The following DCC variants were observed in gnomAD, a reference collection of about 807,000 sequenced individuals.
The protein encoded by DCC is netrin receptor DCC.
Under a neutral mutation model 172.5 loss-of-function variants are expected in DCC, and 58 were observed. The observed-to-expected ratio is 0.34, with a 90% CI of 0.27 to 0.42. The LOEUF (loss-of-function observed/expected upper bound fraction) is 0.42, where lower values mean the gene tolerates loss of function less well. DCC is among the 10% of genes least tolerant of loss of function. The probability of loss-of-function intolerance (pLI) is 1.00; values close to 1 mark genes in which losing one functional copy is unlikely to be tolerated. For synonymous variants in DCC, 709 were observed against 644.5 expected, an observed-to-expected ratio of 1.10 and a Z score of -1.52; for missense variants, 1,740 against 1,791.0, an observed-to-expected ratio of 0.97 and a Z score of 0.51.
intron 1 of DCC, among the ~76,000 whole-genome samples, chr18:52,751,429 C>T (rs1186218741): frequency 2.6e-5 from 4 of 152,148 alleles, no homozygotes; most frequent in Non-Finnish European, 5.9e-5. Flanking sequence ...GATTTCCAAG[C>T]CCATGAGAAA....
At chr18:53,465,026 CTGGT>C (rs1467629407) in intron 24 of DCC, among the ~76,000 whole-genome samples, 1 of 139,386 alleles carries the variant, frequency 7.2e-6, no homozygotes, top group Non-Finnish European at 1.6e-5. Flanking sequence ...AAAAAGAAAA[CTGGT>C]TGGATCTAGA....
chr18:53,225,083 A>G (rs972876214), intron 12 of DCC, among the ~76,000 whole-genome samples: 2 of 152,116 alleles, frequency 1.3e-5, no homozygotes, highest in African/African-American at 4.8e-5. Context: ...CATGGTGGGG[A>G]AGAATGTTTC....
At chr18:52,623,807 C>T (rs1568261182) in intron 1 of DCC, among the ~76,000 whole-genome samples, 1 of 151,972 alleles carries the variant, frequency 6.6e-6, no homozygotes, top group Non-Finnish European at 1.5e-5. Flanking sequence ...TTTAAGATAC[C>T]TTCTATAAGA....
At chr18:52,662,811 G>T (rs2035386864) in intron 1 of DCC, among the ~76,000 whole-genome samples, 1 of 152,166 alleles carries the variant, frequency 6.6e-6, no homozygotes, top group Non-Finnish European at 1.5e-5. Context: ...AGGCTGGGAA[G>T]TTCAAGATTA....
At chr18:53,419,620 C>G (rs538638161) in intron 21 of DCC, among the ~76,000 whole-genome samples, 1 of 152,200 alleles carries the variant, frequency 6.6e-6, no homozygotes, top group Non-Finnish European at 1.5e-5. Flanking sequence ...AAATGAACCG[C>G]TATGCAGCTC....
chr18:53,402,756 A>G, intron 18 of DCC, 30 bp from the exon 19 acceptor site: 2 of 1,443,826 alleles, frequency 1.4e-6, no homozygotes, highest in Non-Finnish European at 2.0e-6. Context: ...ACATCCAATG[A>G]CAAGGCCTTA....
chr18:53,221,629 C>T (rs183957643), intron 12 of DCC, among the ~76,000 whole-genome samples: 6 of 152,154 alleles, frequency 3.9e-5, no homozygotes, highest in East Asian at 1.9e-4. Flanking sequence ...TCCCTGGCAA[C>T]GACTATTTTA....
chr18:52,417,973 C>T (rs1987104024), intron 1 of DCC, among the ~76,000 whole-genome samples: 4 of 152,168 alleles, frequency 2.6e-5, no homozygotes, highest in Non-Finnish European at 5.9e-5. Context: ...CTGTCCGCAT[C>T]ATCTGTCATT....
chr18:52,402,373 C>T (rs188971662), intron 1 of DCC, among the ~76,000 whole-genome samples: 182 of 152,038 alleles, frequency 1.2e-3, no homozygotes, highest in Non-Finnish European at 2.4e-3. Context: ...GGGCCTCTAT[C>T]GCATGTTTTC....
In DCC at chr18:53,514,504, A is replaced by C. The variant is rs184327336; in HGVS notation, c.4112-12113A>C. On this transcript the variant is annotated intron_variant, in intron 27 of 28. Transcript: ENST00000442544. The stretch of plus-strand genomic sequence containing the variant: ...AAAACCCTTCAAAAAATTAATGAAT[A>C]CAGGAGCTGGTTTTTTGAAAGGATC... Among the ~76,000 whole-genome samples, 414 of 152,282 alleles carry C rather than the reference A, an allele frequency of 2.7e-3. 1 individual carries two copies. Among genetic ancestry groups the C allele is most frequent in the African/African-American group, 8.3e-3 (347 of 41,562 alleles).
At chr18:53,381,863 A>T (rs948545375) in intron 15 of DCC, among the ~76,000 whole-genome samples, 1 of 152,000 alleles carries the variant, frequency 6.6e-6, no homozygotes, top group Non-Finnish European at 1.5e-5. Flanking sequence ...GAAAAATTTG[A>T]TAATTTCTCA....
chr18:52,969,584 A>C (rs55934302), intron 5 of DCC, among the ~76,000 whole-genome samples: 44 of 119,488 alleles, frequency 3.7e-4, no homozygotes, highest in South Asian at 6.5e-4. Flanking sequence ...CCCGCCCCCC[A>C]CTCTCTCTCT....
At chr18:52,860,857 G>C (rs2039130380) in intron 2 of DCC, among the ~76,000 whole-genome samples, 1 of 151,972 alleles carries the variant, frequency 6.6e-6, no homozygotes, top group African/African-American at 2.4e-5. Flanking sequence ...AAGTGAGCCA[G>C]GTGCCAGGTG....
At chr18:52,867,599 G>A (rs910273696) in intron 2 of DCC, among the ~76,000 whole-genome samples, 2 of 151,922 alleles carry the variant, frequency 1.3e-5, no homozygotes, top group African/African-American at 4.8e-5. Flanking sequence ...CTTTTTCCTG[G>A]TTTAGTCTTG....
At chr18:53,070,205 A>T (rs1325876977) in intron 7 of DCC, among the ~76,000 whole-genome samples, 1 of 152,052 alleles carries the variant, frequency 6.6e-6, no homozygotes, top group Non-Finnish European at 1.5e-5. Flanking sequence ...TCACCAGATT[A>T]GCCAGGCTGG....
At chr18:52,409,504 G>A (rs1986771504) in intron 1 of DCC, among the ~76,000 whole-genome samples, 1 of 152,106 alleles carries the variant, frequency 6.6e-6, no homozygotes, top group Non-Finnish European at 1.5e-5. Flanking sequence ...CCTTCGAAAG[G>A]CTACCTGCCA....
chr18:53,261,167 T>G (rs911587557), intron 12 of DCC, among the ~76,000 whole-genome samples: 14 of 152,162 alleles, frequency 9.2e-5, no homozygotes, highest in African/African-American at 3.4e-4. Context: ...AGGTGATGCC[T>G]CGCCCTGCTT....
intron 5 of DCC, among the ~76,000 whole-genome samples, chr18:53,037,429 T>C (rs929455665): frequency 6.6e-6 from 1 of 151,940 alleles, no homozygotes; most frequent in African/African-American, 2.4e-5. Flanking sequence ...AGGGTAGACA[T>C]TGAAAGAAAC....
chr18:52,457,900 C>G (rs1988507401), intron 1 of DCC, among the ~76,000 whole-genome samples: 1 of 60,972 alleles, frequency 1.6e-5, no homozygotes, highest in African/African-American at 1.0e-4. Context: ...CTGGTTAAAA[C>G]AAGCAAGCAA....
Sources: allele counts gnomAD v4.1 joint callset (sites outside exome capture counted in the v4.1 genomes callset), GRCh38; gene constraint gnomAD v4.1.1; transcripts MANE v1.5; gene names NCBI Gene and HGNC (gene_info 2026-07-23, HGNC 2026-07-21).